GRIK2: variants seen among roughly 807,000 people sequenced by gnomAD.
The protein encoded by GRIK2 is glutamate receptor ionotropic, kainate 2.
GRIK2 carries 32 observed loss-of-function variants against 100.3 expected under a neutral mutation model. That is an observed-to-expected ratio of 0.32 (90% CI 0.24 to 0.43). The LOEUF (loss-of-function observed/expected upper bound fraction) is 0.43, where lower values mean the gene tolerates loss of function less well. Ranked by LOEUF, GRIK2 falls within the 20% of genes least tolerant of loss-of-function variation. The pLI is 1.00. For synonymous variants in GRIK2, 417 were observed against 389.4 expected (o/e 1.07, Z -0.83); for missense variants, 843 against 1,114.9 (o/e 0.76, Z 3.47).
At chr6:101,754,270 G>T (rs576448744) in intron 7 of GRIK2, among the ~76,000 whole-genome samples, 1 of 152,218 alleles carries the variant, frequency 6.6e-6, no homozygotes, top group Non-Finnish European at 1.5e-5. Context: ...ATTCCAAAAG[G>T]TATCTTAATT....
intron 7 of GRIK2, among the ~76,000 whole-genome samples, chr6:101,761,640 T>C (rs1777676941): frequency 6.6e-6 from 1 of 152,138 alleles, no homozygotes; most frequent in Non-Finnish European, 1.5e-5. Flanking sequence ...AATAGGACCT[T>C]AAGGTATTTT....
At chr6:101,861,352 GTAGGGACTA>G (rs1676432262) in intron 11 of GRIK2, among the ~76,000 whole-genome samples, 1 of 152,178 alleles carries the variant, frequency 6.6e-6, no homozygotes, top group South Asian at 2.1e-4. Flanking sequence ...TGAGAAATCT[GTAGGGACTA>G]TAGCACTATA....
At chr6:101,480,117 T>A (rs1470783854) in intron 2 of GRIK2, among the ~76,000 whole-genome samples, 1 of 152,280 alleles carries the variant, frequency 6.6e-6, no homozygotes, top group East Asian at 1.9e-4. Context: ...GGTTATATGC[T>A]CAAGTTCATT....
rs181233967 is a variant in GRIK2, at chr6:101,457,106, A to G, written c.115+57714A>G. On this transcript the variant is annotated intron_variant, in intron 2 of 16. Coordinates refer to ENST00000369134, the MANE Select transcript of GRIK2 (RefSeq NM_021956.5). ...CTTATGCTTAGGCAAAGCTATGACT[A>G]TAAGTAAAAATGACATGCTTGTTAA... 5.9e-5 allele frequency among the ~76,000 whole-genome samples: 9 copies of G among 152,288 alleles called. No homozygotes were observed. The East Asian group carries it at 1.7e-3, about 29-fold the overall frequency.
chr6:101,543,141 G>A (rs962237274), intron 2 of GRIK2, among the ~76,000 whole-genome samples: 20 of 152,248 alleles, frequency 1.3e-4, no homozygotes, highest in African/African-American at 4.8e-4. Context: ...TGGATGTCCT[G>A]CTTACCTGGA....
chr6:101,969,028 A>G (rs1422948409), intron 14 of GRIK2, among the ~76,000 whole-genome samples: 2 of 152,074 alleles, frequency 1.3e-5, no homozygotes, highest in African/African-American at 4.8e-5. Context: ...TCTTAACACT[A>G]TATAAACATT....
intron 14 of GRIK2, among the ~76,000 whole-genome samples, chr6:101,982,049 T>G (rs1793743442): frequency 6.6e-6 from 1 of 151,904 alleles, no homozygotes; most frequent in Admixed American, 6.6e-5. Flanking sequence ...GGCACTATAT[T>G]TTCACATTCG....
chr6:101,772,333 G>A (rs1778455368), intron 7 of GRIK2, among the ~76,000 whole-genome samples: 1 of 152,182 alleles, frequency 6.6e-6, no homozygotes, highest in African/African-American at 2.4e-5. Context: ...TATACCTGGA[G>A]CTAGGAGATT....
rs145976216 is a variant in GRIK2 at position 101,875,789 on chromosome 6, C to G, written c.1525-13851C>G. On this transcript the variant is annotated intron_variant, in intron 11 of 16. Transcript: ENST00000369134. ...TGATAACCAATATTTTACCCTTCTT[C>G]CAAACAATACAAGGACCTTAGGAAG... Among the ~76,000 whole-genome samples, 583 of 151,940 alleles carry G rather than the reference C, an allele frequency of 3.8e-3. 8 individuals carry two copies. The highest frequency in any genetic ancestry group is 0.014 in the African/African-American group (562 of 41,506).
chr6:101,421,120 CCACTTCT>C lies in GRIK2; in HGVS notation c.115+21731_115+21737del, dbSNP rs990185426. ...TTTGGATGGGAAGAGTACACTAAGT[CCACTTCT>C]CAGCATGGGACAACTCGGGATGTCT... On this transcript the variant is annotated intron_variant, in intron 2 of 16. Coordinates refer to ENST00000369134, the MANE Select transcript of GRIK2 (RefSeq NM_021956.5). Among the ~76,000 whole-genome samples the C allele has an allele frequency of 2.4e-4, 37 of 152,268 alleles. 1 individual carries two copies. Among genetic ancestry groups the C allele is most frequent in the Admixed American group, 1.3e-3 (20 of 15,294 alleles).
At chr6:101,789,244 C>T (rs2128406655) in intron 7 of GRIK2, among the ~76,000 whole-genome samples, 1 of 152,236 alleles carries the variant, frequency 6.6e-6, no homozygotes, top group Non-Finnish European at 1.5e-5. Flanking sequence ...GCTTTTGTTG[C>T]CATTGCTTTT....
chr6:101,868,057 G>A (rs1785164378), intron 11 of GRIK2, among the ~76,000 whole-genome samples: 1 of 138,122 alleles, frequency 7.2e-6, no homozygotes, highest in Non-Finnish European at 1.5e-5. Context: ...ATACTAAATT[G>A]ACATTATAGA....
At chr6:101,589,213 T>G (rs573567971) in intron 2 of GRIK2, among the ~76,000 whole-genome samples, 13 of 152,280 alleles carry the variant, frequency 8.5e-5, no homozygotes, top group African/African-American at 3.1e-4. Context: ...TATGGATTTA[T>G]GTATAACATG....
At chr6:101,534,528 C>T (rs962553674) in intron 2 of GRIK2, among the ~76,000 whole-genome samples, 4 of 151,764 alleles carry the variant, frequency 2.6e-5, no homozygotes, top group African/African-American at 9.7e-5. Flanking sequence ...GAGATGCATT[C>T]CTAATGCAAT....
intron 2 of GRIK2, among the ~76,000 whole-genome samples, chr6:101,613,619 A>G (rs555497154): frequency 3.3e-4 from 50 of 151,864 alleles, no homozygotes; most frequent in African/African-American, 1.2e-3. Flanking sequence ...ATGAATGAGC[A>G]GTGTGATACT....
At chr6:102,041,773 A>C (rs1472510261) in intron 15 of GRIK2, among the ~76,000 whole-genome samples, 2 of 150,400 alleles carry the variant, frequency 1.3e-5, no homozygotes, top group Admixed American at 6.7e-5. Flanking sequence ...TGTTTTGATC[A>C]CTTCTAATAC....
intron 7 of GRIK2, among the ~76,000 whole-genome samples, chr6:101,777,237 C>T (rs1778802482): frequency 6.6e-6 from 1 of 152,160 alleles, no homozygotes; most frequent in South Asian, 2.1e-4. Context: ...TCCCTCAGTT[C>T]AGCTAGCAGC....
At chr6:101,422,681 A>AG (rs1033601351) in intron 2 of GRIK2, among the ~76,000 whole-genome samples, 1 of 152,120 alleles carries the variant, frequency 6.6e-6, no homozygotes, top group Non-Finnish European at 1.5e-5. Context: ...TTAAAAAAAA[A>AG]AAGAAGAAGA....
At chr6:101,426,805 A>C (rs1769046898) in intron 2 of GRIK2, among the ~76,000 whole-genome samples, 1 of 152,108 alleles carries the variant, frequency 6.6e-6, no homozygotes, top group South Asian at 2.1e-4. Context: ...AGCTTCAATA[A>C]TACTGCTTGC....
Sources: allele counts gnomAD v4.1 joint callset (sites outside exome capture counted in the v4.1 genomes callset), GRCh38; gene constraint gnomAD v4.1.1; transcripts MANE v1.5; gene names NCBI Gene and HGNC (gene_info 2026-07-23, HGNC 2026-07-21).